Variants in GSTZ1 observed in about 807,000 individuals in gnomAD.
GSTZ1 encodes glutathione S-transferase zeta 1, also known as maleylacetoacetate isomerase.
GSTZ1 carries 34 observed loss-of-function variants against 35.9 expected under a neutral mutation model. The observed-to-expected ratio is 0.95, with a 90% CI of 0.72 to 1.26. GSTZ1 has a LOEUF of 1.26. Among genes scored for constraint, GSTZ1 ranks in the 50% most tolerant of loss-of-function variants. The probability of loss-of-function intolerance (pLI) is 0.00; values close to 1 mark genes in which losing one functional copy is unlikely to be tolerated. For missense variants in GSTZ1, 263 were observed against 271.7 expected (o/e 0.97, Z 0.23); for synonymous variants, 93 against 101.2 (o/e 0.92, Z 0.49).
At position 77,321,154 on chromosome 14, in the gene GSTZ1, C is replaced by T. The variant is rs928726407; in HGVS notation, c.-15C>T. ...AGTTTCTCGGCCTGGAGGAGGGGGT[C>T]GCGCGAAGTGCCAGATGCAGGCGGG... is the stretch of plus-strand genomic sequence containing the variant. On this transcript the variant is annotated 5_prime_UTR_variant, in exon 1 of 9. Transcript: ENST00000216465. The T allele has an allele frequency of 9.6e-6, 14 of 1,454,200 alleles. No individual in the cohort carries two copies. The highest frequency in any genetic ancestry group is 1.3e-5 in the Non-Finnish European group (14 of 1,097,206). The allele number at this position is 1,454,200 out of a possible 1,614,324, so 90.1% of individuals were successfully genotyped here. A position where few individuals can be genotyped will look rare whatever the true frequency, so the allele number is the denominator to read the frequency against.
chr14:77,321,050 C>G lies in GSTZ1; in HGVS notation c.-119C>G. On this transcript the variant is annotated 5_prime_UTR_variant, in exon 1 of 9. Transcript: ENST00000216465. ...GAAGGATCTTTCTAGTCCAGCCCCT[C>G]GCTTTACCCGGACGAAAGACACGGG... 8.8e-7 allele frequency: 1 copy of G among 1,134,350 alleles called. No homozygotes were observed. The highest frequency in any genetic ancestry group is 1.6e-5 in the African/African-American group (1 of 63,240). 70.3% of individuals were successfully genotyped at this position (1,134,350 alleles called of 1,614,324 possible).
intron 8 of GSTZ1, 85 bp from the exon 9 acceptor site, chr14:77,330,984 C>T: frequency 1.4e-6 from 2 of 1,382,112 alleles, no homozygotes; most frequent in South Asian, 1.3e-5. Flanking sequence ...TCATCCAGCC[C>T]TGCCTCTCTG....
intron 8 of GSTZ1, 96 bp from the exon 9 acceptor site, chr14:77,330,973 C>G: frequency 5.6e-6 from 7 of 1,255,196 alleles, no homozygotes; most frequent in South Asian, 1.4e-5. Flanking sequence ...CTCCCTCGAC[C>G]TCATCCAGCC....
Position 77,321,865 on chromosome 14 carries a change from A to G in GSTZ1, c.15+682A>G, listed in dbSNP as rs556615150. Among the ~76,000 whole-genome samples, 46 of 151,064 alleles carry G rather than the reference A, an allele frequency of 3.0e-4. No homozygotes were observed. The South Asian group carries it at 4.9e-3, about 16-fold the overall frequency. On this transcript the variant is annotated intron_variant, in intron 1 of 8. Transcript: ENST00000216465. The stretch of plus-strand genomic sequence containing the variant: ...GCCACTGCACTCCAGCCTGGGCGAA[A>G]GAGCGGGACTCCGGCTCAAAAAAAA...
In GSTZ1 at chr14:77,327,994, G is replaced by T; in HGVS notation, c.299G>T (p.Arg100Leu). The T allele has an allele frequency of 6.2e-7, 1 of 1,614,072 alleles. No homozygotes were observed. ...PQDPKKRASV[R>L]MISDLIAGGI... is the part of the protein sequence containing the mutation. The stretch of plus-strand genomic sequence containing the variant: ...GACCCAAAGAAGAGGGCCAGCGTGC[G>T]TATGATTTCTGACCTCATCGCTGGT... The change falls in exon 5 of 9, where the codon CGT becomes CTT. Residue 100 changes from arginine to leucine, a missense_variant. Arg to Leu is a moderately radical substitution (Grantham distance 102, BLOSUM62 -2). Transcript: ENST00000216465.
intron 8 of GSTZ1, 48 bp downstream of exon 8, chr14:77,330,407 T>TC (rs763789747): frequency 1.6e-5 from 23 of 1,457,568 alleles, no homozygotes; most frequent in Non-Finnish European, 2.1e-5. Flanking sequence ...CTGCCCACAG[T>TC]CAGGCCCCAC....
intron 1 of GSTZ1, chr14:77,324,086 TGGGG>T: frequency 5.9e-6 from 1 of 168,904 alleles, no homozygotes; most frequent in Admixed American, 5.5e-5. Flanking sequence ...CACGCTCTGT[TGGGG>T]GGACACCAAA....
intron 8 of GSTZ1, among the ~76,000 whole-genome samples, chr14:77,330,690 C>T (rs1320963042): frequency 2.0e-5 from 3 of 152,090 alleles, no homozygotes; most frequent in African/African-American, 7.2e-5. Flanking sequence ...TGCATCCTTC[C>T]GTGAACCCTT....
chr14:77,331,402 G>C lies in GSTZ1; in HGVS notation c.*207G>C. The C allele has an allele frequency of 1.8e-6, 1 of 564,768 alleles. No homozygotes were observed. Among genetic ancestry groups the C allele is most frequent in the South Asian group, 2.6e-5 (1 of 38,314 alleles). The allele number at this position is 564,768 out of a possible 1,614,324, so 35.0% of individuals were successfully genotyped here. ...AGTAGGGAGATGCGGGGAGCAGGGTGGGCAGGAATACTGTTATCTATGTGA... is the reference window on the plus strand; with the variant it reads ...AGTAGGGAGATGCGGGGAGCAGGGTCGGCAGGAATACTGTTATCTATGTGA... On this transcript the variant is annotated 3_prime_UTR_variant, in exon 9 of 9. Transcript: ENST00000216465.
chr14:77,329,316 G>T, intron 6 of GSTZ1, 115 bp downstream of exon 6: 3 of 764,740 alleles, frequency 3.9e-6, no homozygotes. Context: ...CCTGACAGTT[G>T]CATGGATGAG....
At chr14:77,324,997 G>T in intron 2 of GSTZ1, 76 bp downstream of exon 2, 3 of 1,234,648 alleles carry the variant, frequency 2.4e-6, no homozygotes, top group Non-Finnish European at 3.6e-6. Context: ...TGCAAAGCTG[G>T]CCTGGGATGG....
chr14:77,330,081 A>G (rs1288386733), intron 7 of GSTZ1: 6 of 684,046 alleles, frequency 8.8e-6, no homozygotes, highest in Non-Finnish European at 1.6e-5. Context: ...TGGCCCTCTC[A>G]ACCCACAGAG....
At chr14:77,329,388 G>A in intron 6 of GSTZ1, 187 bp downstream of exon 6, 1 of 613,694 alleles carries the variant, frequency 1.6e-6, no homozygotes, top group Admixed American at 2.7e-5. Flanking sequence ...GCACTTCTGG[G>A]AACCTCGGTC....
Position 77,326,730 on chromosome 14 carries a change from A to G in GSTZ1, c.68-108A>G, listed in dbSNP as rs1892332663. ...TGAGCCTTGACCACCCAGAAGTGTTAGAGAAGCCTCCCCCTCTTTGGCCTT... is the reference window on the plus strand; with the variant it reads ...TGAGCCTTGACCACCCAGAAGTGTTGGAGAAGCCTCCCCCTCTTTGGCCTT... On this transcript the variant is annotated intron_variant, in intron 2 of 8. Coordinates refer to ENST00000216465, the MANE Select transcript of GSTZ1 (RefSeq NM_145870.3). 1.1e-5 allele frequency: 8 copies of G among 749,718 alleles called. No individual in the cohort carries two copies. The East Asian group carries it at 1.4e-4, about 13-fold the overall frequency. The allele number at this position is 749,718 out of a possible 1,614,324, so 46.4% of individuals were successfully genotyped here. A position where few individuals can be genotyped will look rare whatever the true frequency, so the allele number is the denominator to read the frequency against.
At position 77,330,365 on chromosome 14, in the gene GSTZ1, A is replaced by AG. The variant is rs1306278176; in HGVS notation, c.524+7dup. The AG allele has an allele frequency of 6.2e-7, 1 of 1,610,464 alleles. No individual in the cohort carries two copies. The highest frequency in any genetic ancestry group is 1.3e-5 in the African/African-American group (1 of 74,938). On this transcript the variant is annotated splice_region_variant and intron_variant, in intron 8 of 8. Coordinates refer to ENST00000216465, the MANE Select transcript of GSTZ1 (RefSeq NM_145870.3). ...CAGGTGGCAAATGCTGAAAGGTAAG[A>AG]GAGAGCCCCGCCACCCTCCCTTCTC...
chr14:77,327,793 AG>A, intron 4 of GSTZ1, 118 bp from the exon 5 acceptor site: 2 of 984,146 alleles, frequency 2.0e-6, no homozygotes, highest in Non-Finnish European at 3.1e-6. Flanking sequence ...GAGCAGAAGC[AG>A]GGGGGAAGAG....
At chr14:77,329,569 C>T in intron 6 of GSTZ1, 186 bp from the exon 7 acceptor site, 1 of 614,668 alleles carries the variant, frequency 1.6e-6, no homozygotes, top group Non-Finnish European at 2.9e-6. Flanking sequence ...CTGTGCGGAG[C>T]CTCAGGAAAC....
Position 77,321,163 on chromosome 14 carries a change from T to C in GSTZ1, c.-6T>C. On this transcript the variant is annotated 5_prime_UTR_variant, in exon 1 of 9. Transcript: ENST00000216465. ...GCCTGGAGGAGGGGGTCGCGCGAAG[T>C]GCCAGATGCAGGCGGGGAAGGTCTG... The C allele has an allele frequency of 6.8e-7, 1 of 1,459,918 alleles. No individual in the cohort carries two copies. Among genetic ancestry groups the C allele is most frequent in the Non-Finnish European group, 9.1e-7 (1 of 1,099,690 alleles). The allele number at this position is 1,459,918 out of a possible 1,614,324, so 90.4% of individuals were successfully genotyped here.
intron 2 of GSTZ1, chr14:77,325,140 C>T (rs1453977385): frequency 3.2e-5 from 18 of 567,028 alleles, no homozygotes; most frequent in Middle Eastern, 4.8e-4. Context: ...TTGTTTTTTC[C>T]CTTGGGACTG....
Sources: allele counts gnomAD v4.1 joint callset (sites outside exome capture counted in the v4.1 genomes callset), GRCh38; gene constraint gnomAD v4.1.1; transcripts MANE v1.5; gene names NCBI Gene and HGNC (gene_info 2026-07-23, HGNC 2026-07-21).